The following ODAD4 variants were observed in gnomAD, a reference collection of about 807,000 sequenced individuals.
ODAD4 encodes outer dynein arm docking complex subunit 4.
In ODAD4, 49 loss-of-function variants were observed where a neutral mutation model predicts 51.8. The ratio of observed to expected loss-of-function variants is 0.95; its 90% CI spans 0.75 to 1.20. The LOEUF is 1.20. Ranked by LOEUF, ODAD4 falls within the 50% of genes most tolerant of loss-of-function variation. The probability of loss-of-function intolerance (pLI) is 0.00; values close to 1 mark genes in which losing one functional copy is unlikely to be tolerated. For missense variants in ODAD4, 590 were observed against 586.5 expected (o/e 1.01, Z -0.06); for synonymous variants, 235 against 221.3 (o/e 1.06, Z -0.55).
intron 7 of ODAD4, among the ~76,000 whole-genome samples, 180 bp downstream of exon 7, chr17:41,939,352 T>G (rs2050475040): frequency 6.6e-6 from 1 of 152,200 alleles, no homozygotes; most frequent in African/African-American, 2.4e-5. Context: ...GCACCTAGAC[T>G]GTTAGCTTTT....
chr17:41,947,010 C>G (rs782037205), intron 8 of ODAD4, among the ~76,000 whole-genome samples: 3 of 151,876 alleles, frequency 2.0e-5, no homozygotes, highest in Non-Finnish European at 2.9e-5. Flanking sequence ...GCCACCACGC[C>G]TGGCTAATTT....
chr17:41,942,572 C>CAGGT (rs1336354003), intron 7 of ODAD4, among the ~76,000 whole-genome samples: 3 of 152,198 alleles, frequency 2.0e-5, no homozygotes, highest in African/African-American at 4.8e-5. Flanking sequence ...GTGACAGCAG[C>CAGGT]AGGTGCACAG....
chr17:41,935,846 C>T, intron 3 of ODAD4, 97 bp downstream of exon 3: 1 of 1,415,904 alleles, frequency 7.1e-7, no homozygotes, highest in Non-Finnish European at 9.7e-7. Flanking sequence ...CAGCCACCAC[C>T]AGGCCCGCAG....
intron 6 of ODAD4, 55 bp downstream of exon 6, chr17:41,938,836 G>A: frequency 6.3e-7 from 1 of 1,590,746 alleles, no homozygotes. Flanking sequence ...TATCAGGTGG[G>A]GAAGGAGCAA....
At chr17:41,947,374 A>T (rs1598082379) in intron 8 of ODAD4, among the ~76,000 whole-genome samples, 1 of 151,752 alleles carries the variant, frequency 6.6e-6, no homozygotes, top group Non-Finnish European at 1.5e-5. Flanking sequence ...AATCCCAGCT[A>T]CACAGGAGGC....
At chr17:41,960,164 C>A (rs2050785777) in intron 10 of ODAD4, among the ~76,000 whole-genome samples, 1 of 152,144 alleles carries the variant, frequency 6.6e-6, no homozygotes, top group African/African-American at 2.4e-5. Flanking sequence ...TGTCCTAGCC[C>A]ACAAGAAGAT....
At chr17:41,960,657 C>T (rs1162995337) in intron 10 of ODAD4, among the ~76,000 whole-genome samples, 1 of 152,228 alleles carries the variant, frequency 6.6e-6, no homozygotes, top group Non-Finnish European at 1.5e-5. Flanking sequence ...GTGACCCTCA[C>T]TGACTCCTCA....
At chr17:41,935,180 T>C in intron 1 of ODAD4, 37 bp from the exon 2 acceptor site, 1 of 1,612,990 alleles carries the variant, frequency 6.2e-7, no homozygotes, top group Non-Finnish European at 8.5e-7. Context: ...ACCTTGCTCT[T>C]CATGCTGGCT....
chr17:41,954,645 G>T (rs1198266632), intron 9 of ODAD4, among the ~76,000 whole-genome samples: 1 of 151,954 alleles, frequency 6.6e-6, no homozygotes, highest in African/African-American at 2.4e-5. Flanking sequence ...TGAGGTCAGG[G>T]TTTAAGACCA....
At chr17:41,930,881 C>CTTTCTTTTTTTTTT in intron 1 of ODAD4, 44 bp downstream of exon 1, 1 of 96,024 alleles carries the variant, frequency 1.0e-5, no homozygotes, top group South Asian at 7.3e-5. Flanking sequence ...TCACCCGTCA[C>CTTTCTTTTTTTTTT]TTTTTTTTTT....
chr17:41,956,274 C>G (rs1356367084), intron 10 of ODAD4, among the ~76,000 whole-genome samples: 7 of 151,844 alleles, frequency 4.6e-5, no homozygotes, highest in African/African-American at 1.7e-4. Context: ...GTTTGGAACT[C>G]CTGACCTCAA....
rs782293876 is a variant in ODAD4 at position 41,965,245 on chromosome 17, G to C, written c.1781G>C (p.Gly594Ala). 60 of 777,308 alleles carry C rather than the reference G, an allele frequency of 7.7e-5. No individual in the cohort carries two copies. In the East Asian group the frequency reaches 1.5e-3, roughly 19 times the overall value. 48.2% of individuals were successfully genotyped at this position (777,308 alleles called of 1,614,324 possible). A position where few individuals can be genotyped will look rare whatever the true frequency, so the allele number is the denominator to read the frequency against. Residue 594 changes from glycine (G) to alanine (A), a missense_variant, in exon 12 of 12, where the codon GGA becomes GCA. Physicochemically the swap from Gly to Ala is moderately conservative, Grantham distance 60 (BLOSUM62 0). Transcript: ENST00000377540. ...TCAGGAGAATTAGGCACAAGATCAG[G>C]AGAAACAGGCAGGAAGCTACTAGAA... ...GLSGELGTRS[G>A]ETGRKLLEAG... is the part of the protein sequence containing the mutation.
At chr17:41,940,121 C>T (rs1458547159) in intron 7 of ODAD4, among the ~76,000 whole-genome samples, 10 of 152,184 alleles carry the variant, frequency 6.6e-5, no homozygotes, top group Admixed American at 2.6e-4. Flanking sequence ...TTGACTTCCT[C>T]CTGCCTGGTT....
intron 9 of ODAD4, among the ~76,000 whole-genome samples, chr17:41,950,968 C>A (rs2050643297): frequency 6.6e-6 from 1 of 152,032 alleles, no homozygotes; most frequent in Admixed American, 6.6e-5. Context: ...CCTCTGCCTC[C>A]CAAAGTGCTG....
At chr17:41,940,958 A>T (rs1336342956) in intron 7 of ODAD4, among the ~76,000 whole-genome samples, 1 of 152,088 alleles carries the variant, frequency 6.6e-6, no homozygotes, top group East Asian at 1.9e-4. Flanking sequence ...CGAGGATAGC[A>T]CTGTTGGCCA....
intron 7 of ODAD4, among the ~76,000 whole-genome samples, chr17:41,944,429 CACACACACA>C (rs1567933002): frequency 1.0e-3 from 7 of 6,674 alleles, no homozygotes; most frequent in Non-Finnish European, 1.4e-3. Flanking sequence ...CACACACACA[CACACACACA>C]CACACACCCC....
chr17:41,946,226 T>A (rs1207113810), intron 8 of ODAD4, among the ~76,000 whole-genome samples: 1 of 152,256 alleles, frequency 6.6e-6, no homozygotes, highest in Admixed American at 6.5e-5. Context: ...AAGTTGCTTC[T>A]CCCTGGCACC....
At chr17:41,964,945 A>C (rs1476833452) in intron 11 of ODAD4, 48 bp from the exon 12 acceptor site, 1 of 660,674 alleles carries the variant, frequency 1.5e-6, no homozygotes, top group East Asian at 2.7e-5. Flanking sequence ...ACCCGGCCTG[A>C]CATGAACAAA....
intron 11 of ODAD4, among the ~76,000 whole-genome samples, chr17:41,963,455 T>C (rs1016027174): frequency 1.2e-4 from 18 of 152,196 alleles, no homozygotes; most frequent in African/African-American, 3.9e-4. Context: ...AAATAATGAA[T>C]GTGCTTCCCA....
Sources: gnomAD v4.1 joint callset for allele counts (sites outside exome capture counted in the v4.1 genomes callset) on GRCh38, gnomAD v4.1.1 for gene constraint, MANE v1.5 for transcripts, NCBI Gene and HGNC (gene_info 2026-07-23, HGNC 2026-07-21) for gene names.